The following COL18A1 variants were observed in gnomAD, a reference collection of about 807,000 sequenced individuals.
The protein encoded by COL18A1 is collagen type XVIII alpha 1 chain.
COL18A1 carries 133 observed loss-of-function variants against 168.0 expected under a neutral mutation model. That is an observed-to-expected ratio of 0.79 (90% CI 0.69 to 0.91). The LOEUF (loss-of-function observed/expected upper bound fraction) is 0.91. Among genes scored for constraint, COL18A1 ranks in the 40% least tolerant of loss-of-function variants. The probability of loss-of-function intolerance (pLI) is 0.00; values close to 1 mark genes in which losing one functional copy is unlikely to be tolerated. For missense variants in COL18A1, 2,126 were observed against 1,925.4 expected (o/e 1.10, Z -1.95); for synonymous variants, 949 against 809.0 (o/e 1.17, Z -2.94).
intron 3 of COL18A1, among the ~76,000 whole-genome samples, chr21:45,472,126 G>T (rs1357662485): frequency 6.6e-6 from 1 of 152,228 alleles, no homozygotes; most frequent in East Asian, 1.9e-4. Context: ...TGTCTGTGTG[G>T]GGATCGGGTG....
Position 45,492,958 on chromosome 21 carries a change from G to T in COL18A1, c.2215-205G>T, listed in dbSNP as rs1203960505. Among the ~76,000 whole-genome samples, 10 of 152,160 alleles carry T rather than the reference G, an allele frequency of 6.6e-5. No homozygotes were observed. In the East Asian group the frequency reaches 1.9e-3, roughly 29 times the overall value. On this transcript the variant is annotated intron_variant, in intron 24 of 41. Coordinates refer to ENST00000651438, the MANE Select transcript of COL18A1 (RefSeq NM_001379500.1). Reference sequence around the variant, plus strand: ...CCTGCAGAGGCCTGCAGTGTCCAGAGTGAGGCTGGGGCCGGGAGGTGTCCT... The same window carrying T: ...CCTGCAGAGGCCTGCAGTGTCCAGATTGAGGCTGGGGCCGGGAGGTGTCCT...
rs2037133773 is a variant in COL18A1 at position 45,505,371 on chromosome 21, CGGCCCTCCG to C, written c.3033_3041del (p.Pro1020_Gly1022del). On this transcript the variant is annotated inframe_deletion, in exon 36 of 42. Coordinates refer to ENST00000651438, the MANE Select transcript of COL18A1 (RefSeq NM_001379500.1). ...TCTCTCCTGCAGCTATCAGCGTTCCCGGCCCTCCGGGCCCCCCTGGGCCCCCTGGGCCCC... is the reference window on the plus strand; with the variant it reads ...TCTCTCCTGCAGCTATCAGCGTTCCCGGCCCCCCTGGGCCCCCTGGGCCCC... 1.3e-5 allele frequency: 20 copies of C among 1,593,374 alleles called. No individual in the cohort carries two copies. The highest frequency in any genetic ancestry group is 1.7e-5 in the Non-Finnish European group (20 of 1,164,006).
intron 26 of COL18A1, chr21:45,494,022 C>T: frequency 3.9e-6 from 1 of 255,762 alleles, no homozygotes; most frequent in Non-Finnish European, 7.6e-6. Flanking sequence ...CCCCAGCAGG[C>T]AGCCGCCCAG....
Position 45,405,252 on chromosome 21 carries a change from G to A in COL18A1, c.11+11G>A, listed in dbSNP as rs2123480660. 2.5e-6 allele frequency: 1 copy of A among 403,928 alleles called. No homozygotes were observed. The highest frequency in any genetic ancestry group is 4.7e-5 in the East Asian group (1 of 21,328). The allele number at this position is 403,928 out of a possible 1,614,324, so 25.0% of individuals were successfully genotyped here. A position where few individuals can be genotyped will look rare whatever the true frequency, so the allele number is the denominator to read the frequency against. On this transcript the variant is annotated intron_variant, in intron 1 of 41. Coordinates refer to ENST00000651438, the MANE Select transcript of COL18A1 (RefSeq NM_001379500.1). Reference sequence around the variant, plus strand: ...GAGCATGGCGCCGAGGTGAGGCCGGGGCTGCGGGCAGGGGTTGGGGGACGC... The same window carrying A: ...GAGCATGGCGCCGAGGTGAGGCCGGAGCTGCGGGCAGGGGTTGGGGGACGC...
In COL18A1 at chr21:45,445,245, C is replaced by T. The variant is rs530556128; in HGVS notation, c.107-22997C>T. ...TTTCTGTCTGGCTTCTTCCCCTCGG[C>T]CTGTGGTTTCCGGGTTCGTCCGTGT... On this transcript the variant is annotated intron_variant, in intron 2 of 41. Transcript: ENST00000651438. Among the ~76,000 whole-genome samples, 9 of 152,298 alleles carry T rather than the reference C, an allele frequency of 5.9e-5. No homozygotes were observed. The East Asian group carries it at 1.3e-3, about 23-fold the overall frequency.
chr21:45,416,961 G>A (rs1016385213), intron 2 of COL18A1, among the ~76,000 whole-genome samples: 2 of 152,278 alleles, frequency 1.3e-5, no homozygotes, highest in East Asian at 3.9e-4. Context: ...TTCTTGTTCC[G>A]TGAGTTTTCA....
rs375199264 is a variant in COL18A1 at position 45,497,110 on chromosome 21, A to C, written c.2620+18A>C. ...ATTGCCAGGTGAGGGTCCTGGGCTC[A>C]CAGCTGGGGACACAGGCTCTGAAGG... On this transcript the variant is annotated intron_variant, in intron 31 of 41. Transcript: ENST00000651438. 2.6e-6 allele frequency: 4 copies of C among 1,516,910 alleles called. No individual in the cohort carries two copies. The allele number at this position is 1,516,910 out of a possible 1,614,324, so 94.0% of individuals were successfully genotyped here.
At position 45,509,611 on chromosome 21, in the gene COL18A1, C is replaced by T; in HGVS notation, c.3495+10C>T. The stretch of plus-strand genomic sequence containing the variant: ...CGACTTCCAGCCGGTGGTGAGTGCC[C>T]CCCCAAAGTGGGCTTGGCTCCATCT... On this transcript the variant is annotated intron_variant, in intron 39 of 41. Transcript: ENST00000651438. 7.0e-7 allele frequency: 1 copy of T among 1,422,650 alleles called. No individual in the cohort carries two copies. Among genetic ancestry groups the T allele is most frequent in the Non-Finnish European group, 9.6e-7 (1 of 1,043,282 alleles). The allele number at this position is 1,422,650 out of a possible 1,614,324, so 88.1% of individuals were successfully genotyped here. A position where few individuals can be genotyped will look rare whatever the true frequency, so the allele number is the denominator to read the frequency against.
intron 2 of COL18A1, among the ~76,000 whole-genome samples, chr21:45,451,212 C>T (rs2034615043): frequency 6.6e-6 from 1 of 152,218 alleles, no homozygotes. Flanking sequence ...GATGGCCGGC[C>T]AGCGGGGGCC....
rs140483938 is a variant in COL18A1, at chr21:45,454,203, G to T, written c.107-14039G>T. Among the ~76,000 whole-genome samples the T allele has an allele frequency of 4.7e-3, 709 of 152,270 alleles. 5 individuals carry two copies. The Middle Eastern group carries it at 0.058, about 12-fold the overall frequency. On this transcript the variant is annotated intron_variant, in intron 2 of 41. Coordinates refer to ENST00000651438, the MANE Select transcript of COL18A1 (RefSeq NM_001379500.1). ...TGCGCCTGCCCTCGAGAAGGAGGTG[G>T]CACTCAGCTGCTTGAAACAAGGCTG...
At position 45,420,201 on chromosome 21, in the gene COL18A1, G is replaced by A. The variant is rs893350083; in HGVS notation, c.106+14728G>A. ...AGGCGTTGCTGTCGCAGCTGGCACTGTGCATGGCTGGCAGCAGAAGTCTGT... is the reference window on the plus strand; with the variant it reads ...AGGCGTTGCTGTCGCAGCTGGCACTATGCATGGCTGGCAGCAGAAGTCTGT... On this transcript the variant is annotated intron_variant, in intron 2 of 41. Coordinates refer to ENST00000651438, the MANE Select transcript of COL18A1 (RefSeq NM_001379500.1). 3.3e-5 allele frequency: 5 copies of A among 152,246 alleles called. No individual in the cohort carries two copies. In the East Asian group the frequency reaches 9.6e-4, roughly 29 times the overall value. The allele number at this position is 152,246 out of a possible 1,614,324, so 9.4% of individuals were successfully genotyped here.
intron 2 of COL18A1, among the ~76,000 whole-genome samples, chr21:45,416,978 T>C (rs565311920): frequency 6.6e-6 from 1 of 152,352 alleles, no homozygotes; most frequent in East Asian, 1.9e-4. Context: ...TTCAGATATT[T>C]GGAAGCAGCT....
In COL18A1 at chr21:45,423,668, A is replaced by C. The variant is rs1326706750; in HGVS notation, c.106+18195A>C. The stretch of plus-strand genomic sequence containing the variant: ...GAGTGACTCCAGTTAATGCTGAATT[A>C]GGTACCTCAGGCTTGAGTCAAATAT... On this transcript the variant is annotated intron_variant, in intron 2 of 41. Transcript: ENST00000651438. The surrounding 1 kb of genome is among the most constrained non-coding windows in gnomAD (Gnocchi z 4.0). The C allele has an allele frequency of 6.6e-6, 1 of 152,064 alleles. No homozygotes were observed. Among genetic ancestry groups the C allele is most frequent in the Admixed American group, 6.5e-5 (1 of 15,276 alleles). The allele number at this position is 152,064 out of a possible 1,614,324, so 9.4% of individuals were successfully genotyped here. A position where few individuals can be genotyped will look rare whatever the true frequency, so the allele number is the denominator to read the frequency against.
chr21:45,477,874 C>T lies in COL18A1; in HGVS notation c.1130C>T (p.Pro377Leu). The change falls in exon 8 of 42, where the codon CCT becomes CTT. Residue 377 changes from proline to leucine, a missense_variant. Pro to Leu is a moderately conservative substitution (Grantham distance 98). Coordinates refer to ENST00000651438, the MANE Select transcript of COL18A1 (RefSeq NM_001379500.1). ...GLPCPVSPLG[P>L]AGPALQTVPG... The stretch of plus-strand genomic sequence containing the variant: ...CCGTGCCCAGTGAGTCCCCTGGGTC[C>T]TGCAGGCCCAGCGTTGCAAACTGTC... 3.9e-6 allele frequency: 6 copies of T among 1,556,798 alleles called. No individual in the cohort carries two copies. The highest frequency in any genetic ancestry group is 4.3e-6 in the Non-Finnish European group (5 of 1,150,094).
chr21:45,438,240 ACT>A (rs1233787769), intron 2 of COL18A1, among the ~76,000 whole-genome samples: 4 of 107,566 alleles, frequency 3.7e-5, no homozygotes, highest in East Asian at 3.0e-4. Context: ...ACACACAGGC[ACT>A]CTCCTGCACA....
In COL18A1 at chr21:45,510,255, C is replaced by T. The variant is rs556785593; in HGVS notation, c.3687C>T (p.Asn1229=). 5 of 1,604,454 alleles carry T rather than the reference C, an allele frequency of 3.1e-6. No homozygotes were observed. The African/African-American group carries it at 4.0e-5, about 13-fold the overall frequency. The change falls in exon 40 of 42, where the codon AAC becomes AAT. Residue 1229 remains asparagine (N), a synonymous_variant. Transcript: ENST00000651438. ...ACCGCGCAGCCGTGCCCATCGTCAA[C>T]CTCAAGGTGGGTCAGTCCAGTCCTG... ...RADRAAVPIV[N]LKDELLFPSW... is the part of the protein sequence containing the mutation.
Position 45,482,009 on chromosome 21 carries a change from G to C in COL18A1, c.1658G>C (p.Gly553Ala). The change falls in exon 14 of 42, where the codon GGG becomes GCG. Residue 553 changes from glycine to alanine, a missense_variant. By Grantham distance (60) the Gly-to-Ala change is moderately conservative. Transcript: ENST00000651438. ...PGREGPPGRT[G>A]QKGSLGEAGA... Reference sequence around the variant, plus strand: ...AGAGAGGGGCCCCCAGGAAGGACTGGGCAGAAAGGCAGCCTGGTAAGTCTT... The same window carrying C: ...AGAGAGGGGCCCCCAGGAAGGACTGCGCAGAAAGGCAGCCTGGTAAGTCTT... The C allele has an allele frequency of 6.2e-7, 1 of 1,613,450 alleles. No individual in the cohort carries two copies. The highest frequency in any genetic ancestry group is 8.5e-7 in the Non-Finnish European group (1 of 1,179,550).
chr21:45,468,814 G>T (rs1283108443), intron 3 of COL18A1, 28 bp downstream of exon 3: 1 of 1,410,126 alleles, frequency 7.1e-7, no homozygotes, highest in South Asian at 1.2e-5. Context: ...GTCGCTGGGG[G>T]ACTGGAGCAG....
chr21:45,411,679 T>C (rs1300064793), intron 2 of COL18A1, among the ~76,000 whole-genome samples: 2 of 149,502 alleles, frequency 1.3e-5, no homozygotes, highest in African/African-American at 4.9e-5. Flanking sequence ...AGTGCACCCT[T>C]ATCGCTGACA....
Sources: gnomAD v4.1 joint callset for allele counts (sites outside exome capture counted in the v4.1 genomes callset) on GRCh38, gnomAD v4.1.1 for gene constraint, Gnocchi (gnomAD v3.1) non-coding constraint, MANE v1.5 for transcripts, NCBI Gene and HGNC (gene_info 2026-07-23, HGNC 2026-07-21) for gene names.